Variants in LRP1B observed in about 807,000 individuals in gnomAD.
LRP1B encodes the protein LDL receptor related protein 1B.
Under a neutral mutation model 556.6 loss-of-function variants are expected in LRP1B, and 217 were observed. That is an observed-to-expected ratio of 0.39 (90% CI 0.35 to 0.44). The LOEUF (loss-of-function observed/expected upper bound fraction) is 0.44. LRP1B is among the 20% of genes least tolerant of loss of function. The pLI, the probability that LRP1B is intolerant of heterozygous loss-of-function variation, is 1.00. For missense variants in LRP1B, 5,053 were observed against 5,620.8 expected, an observed-to-expected ratio of 0.90 and a Z score of 3.23; for synonymous variants, 2,047 against 1,865.8, an observed-to-expected ratio of 1.10 and a Z score of -2.50.
In LRP1B at chr2:141,743,489, TTTTTTTTTTTTC is replaced by T. The variant is rs1239021537; in HGVS notation, c.205+66778_205+66789del. 6.2e-5 allele frequency among the ~76,000 whole-genome samples: 3 copies of T among 48,234 alleles called. No homozygotes were observed. The South Asian group carries it at 2.0e-3, about 32-fold the overall frequency. 31.6% of individuals were successfully genotyped at this position (48,234 alleles called of 152,430 possible). A position where few individuals can be genotyped will look rare whatever the true frequency, so the allele number is the denominator to read the frequency against. ...GTATTCTCTCCTCTGCTTTTTTCTT[TTTTTTTTTTTTC>T]TTTTTTTTTTTTTTTTGATTAGTTT... On this transcript the variant is annotated intron_variant, in intron 2 of 90. Coordinates refer to ENST00000389484, the MANE Select transcript of LRP1B (RefSeq NM_018557.3).
At chr2:141,077,556 G>A (rs779894882) in intron 7 of LRP1B, among the ~76,000 whole-genome samples, 15 of 152,230 alleles carry the variant, frequency 9.9e-5, no homozygotes, top group East Asian at 7.7e-4. Context: ...AGGGTACTTC[G>A]TGTCTATAGT....
At chr2:141,288,304 A>G (rs1388394833) in intron 3 of LRP1B, among the ~76,000 whole-genome samples, 1 of 151,816 alleles carries the variant, frequency 6.6e-6, no homozygotes. Context: ...AAAATCTTTT[A>G]TATTTACCCA....
chr2:141,592,237 C>G (rs1574115782), intron 2 of LRP1B, among the ~76,000 whole-genome samples: 1 of 152,110 alleles, frequency 6.6e-6, no homozygotes, highest in South Asian at 2.1e-4. Flanking sequence ...GTTCAGGCTG[C>G]TAGAACAAAA....
intron 3 of LRP1B, among the ~76,000 whole-genome samples, chr2:141,357,136 A>G (rs1409476987): frequency 6.6e-6 from 1 of 151,498 alleles, no homozygotes; most frequent in Non-Finnish European, 1.5e-5. Context: ...GCTCACTGCA[A>G]CCTCCACCTC....
chr2:141,504,404 C>T (rs1683843447), intron 2 of LRP1B, among the ~76,000 whole-genome samples: 1 of 151,976 alleles, frequency 6.6e-6, no homozygotes, highest in Admixed American at 6.6e-5. Flanking sequence ...CCCAGGAAAG[C>T]AGAGGATGAG....
chr2:140,773,647 G>C (rs1009938540), intron 33 of LRP1B, among the ~76,000 whole-genome samples: 1 of 145,934 alleles, frequency 6.9e-6, no homozygotes, highest in Non-Finnish European at 1.5e-5. Flanking sequence ...TATATAGAGA[G>C]AACTATATTT....
At chr2:142,005,885 T>C (rs576777861) in intron 1 of LRP1B, among the ~76,000 whole-genome samples, 240 of 133,034 alleles carry the variant, frequency 1.8e-3, no homozygotes, top group Non-Finnish European at 2.8e-3. Context: ...TATCCTCTCA[T>C]GAAAAAAAAA....
chr2:140,260,920 AT>A lies in LRP1B; in HGVS notation c.13247+9321del, dbSNP rs1002576642. 1.2e-4 allele frequency among the ~76,000 whole-genome samples: 18 copies of A among 150,790 alleles called. No individual in the cohort carries two copies. In the East Asian group the frequency reaches 1.6e-3, roughly 13 times the overall value. On this transcript the variant is annotated intron_variant, in intron 86 of 90. Transcript: ENST00000389484. ...TTAGACATGAAGTTCCACAAAGCCA[AT>A]TTTTTTTTGTCTGTTTTGTTCACTG...
chr2:141,981,567 G>A (rs532242835), intron 1 of LRP1B, among the ~76,000 whole-genome samples: 2 of 151,980 alleles, frequency 1.3e-5, no homozygotes, highest in Admixed American at 1.3e-4. Context: ...TATAAGCAGG[G>A]GATTTAAATA....
intron 2 of LRP1B, among the ~76,000 whole-genome samples, chr2:141,705,800 A>G (rs531544004): frequency 9.9e-5 from 15 of 152,068 alleles, no homozygotes; most frequent in African/African-American, 3.4e-4. Context: ...ATTTAACTCC[A>G]AACAGATGCC....
At chr2:141,194,291 G>T (rs1681652810) in intron 6 of LRP1B, among the ~76,000 whole-genome samples, 1 of 152,030 alleles carries the variant, frequency 6.6e-6, no homozygotes, top group Non-Finnish European at 1.5e-5. Context: ...GTCAGTACTT[G>T]ATTTCTTCTT....
At chr2:140,346,371 T>C (rs1362559620) in intron 77 of LRP1B, among the ~76,000 whole-genome samples, 1 of 151,852 alleles carries the variant, frequency 6.6e-6, no homozygotes, top group African/African-American at 2.4e-5. Flanking sequence ...TATACCTCTT[T>C]GACTTGTTTA....
chr2:141,211,490 C>A (rs537712919), intron 6 of LRP1B, among the ~76,000 whole-genome samples: 1 of 151,788 alleles, frequency 6.6e-6, no homozygotes, highest in African/African-American at 2.4e-5. Flanking sequence ...CCTGGTGGTG[C>A]GTGCCTGTAA....
intron 2 of LRP1B, among the ~76,000 whole-genome samples, chr2:141,582,227 C>T (rs758199159): frequency 6.6e-4 from 100 of 152,314 alleles, no homozygotes; most frequent in Admixed American, 1.1e-3. Flanking sequence ...TCATGTTCCA[C>T]GCCTCAGTGT....
At chr2:141,799,965 CATAT>C (rs1363135423) in intron 2 of LRP1B, among the ~76,000 whole-genome samples, 17 of 152,040 alleles carry the variant, frequency 1.1e-4, no homozygotes, top group Admixed American at 9.2e-4. Flanking sequence ...ACCACAGTAA[CATAT>C]ATACTCTTAT....
intron 84 of LRP1B, among the ~76,000 whole-genome samples, chr2:140,282,014 G>C (rs556774650): frequency 6.6e-6 from 1 of 151,848 alleles, no homozygotes; most frequent in South Asian, 2.1e-4. Context: ...AAAATGGCCA[G>C]AATTTGAGGT....
chr2:140,949,938 C>CAAAAAAAAAAAA (rs67201185), intron 20 of LRP1B, among the ~76,000 whole-genome samples: 10 of 14,292 alleles, frequency 7.0e-4, no homozygotes, highest in Admixed American at 2.1e-3. Flanking sequence ...GACTCCGTCT[C>CAAAAAAAAAAAA]AAAAAAAAAA....
chr2:140,868,248 T>A lies in LRP1B; in HGVS notation c.4185A>T (p.Thr1395=), dbSNP rs2105156746. 4 of 1,557,370 alleles carry A rather than the reference T, an allele frequency of 2.6e-6. No homozygotes were observed. Among genetic ancestry groups the A allele is most frequent in the Non-Finnish European group, 3.4e-6 (4 of 1,162,326 alleles). Residue 1395 remains threonine (T), a synonymous_variant, in exon 26 of 91, where the codon ACA becomes ACT. Coordinates refer to ENST00000389484, the MANE Select transcript of LRP1B (RefSeq NM_018557.3). ...TGCGAGGAAAATTTGCATCCCAGTC[T>A]GTCCAGAAAAGAATTCTAAAAAAAA... is the stretch of plus-strand genomic sequence containing the variant. ...LDPRYGILFW[T]DWDANFPRIE...
At chr2:141,365,494 T>C in intron 3 of LRP1B, among the ~76,000 whole-genome samples, 1 of 151,654 alleles carries the variant, frequency 6.6e-6, no homozygotes, top group East Asian at 1.9e-4. Context: ...TTTTTTTTTT[T>C]TTTGTCAAAC....
Sources: allele counts gnomAD v4.1 joint callset (sites outside exome capture counted in the v4.1 genomes callset), GRCh38; gene constraint gnomAD v4.1.1; transcripts MANE v1.5; gene names NCBI Gene and HGNC (gene_info 2026-07-23, HGNC 2026-07-21).